ITPR2: variants seen among roughly 807,000 people sequenced by gnomAD.
The protein encoded by ITPR2 is inositol 1,4,5-trisphosphate-gated calcium channel ITPR2.
ITPR2 carries 207 observed loss-of-function variants against 317.1 expected under a neutral mutation model. The observed-to-expected ratio is 0.65, with a 90% confidence interval of 0.58 to 0.73. The LOEUF (loss-of-function observed/expected upper bound fraction) is 0.73. Among genes scored for constraint, ITPR2 ranks in the 30% least tolerant of loss-of-function variants. The pLI, the probability that ITPR2 is intolerant of heterozygous loss-of-function variation, is 0.00. For missense variants in ITPR2, 2,613 were observed against 3,284.0 expected (o/e 0.80, Z 4.99); for synonymous variants, 1,156 against 1,149.1 (o/e 1.01, Z -0.12).
At chr12:26,413,277 A>C (rs1271923544) in intron 51 of ITPR2, among the ~76,000 whole-genome samples, 1 of 152,146 alleles carries the variant, frequency 6.6e-6, no homozygotes, top group African/African-American at 2.4e-5. Context: ...CTATTCTCAC[A>C]GGGCCCTGTG....
intron 15 of ITPR2, among the ~76,000 whole-genome samples, chr12:26,660,270 A>C (rs1947467689): frequency 6.6e-6 from 1 of 152,204 alleles, no homozygotes; most frequent in African/African-American, 2.4e-5. Context: ...GATTGTGCTA[A>C]AAGTAAGAGA....
At position 26,588,098 on chromosome 12, in the gene ITPR2, T is replaced by C. The variant is rs1354980763; in HGVS notation, c.4380+7367A>G. Among the ~76,000 whole-genome samples the C allele has an allele frequency of 2.0e-5, 3 of 152,140 alleles. No individual in the cohort carries two copies. The South Asian group carries it at 6.2e-4, about 32-fold the overall frequency. On this transcript the variant is annotated intron_variant, in intron 32 of 56. Transcript: ENST00000381340. The stretch of plus-strand genomic sequence containing the variant: ...GTCTTGAAAAGGGGTTATTTTAGAG[T>C]GAGGCATGGGAATGAATAAAGAGTT...
At chr12:26,536,580 A>G (rs1369003644) in intron 37 of ITPR2, among the ~76,000 whole-genome samples, 3 of 150,704 alleles carry the variant, frequency 2.0e-5, no homozygotes, top group African/African-American at 7.3e-5. Flanking sequence ...GAGCATTGGG[A>G]TGCCTGAATT....
chr12:26,644,313 G>T (rs529056333), intron 21 of ITPR2, among the ~76,000 whole-genome samples: 1 of 152,266 alleles, frequency 6.6e-6, no homozygotes, highest in South Asian at 2.1e-4. Flanking sequence ...GAGTGGGGAG[G>T]AGCTGCTGCC....
intron 2 of ITPR2, among the ~76,000 whole-genome samples, chr12:26,777,735 T>G (rs545225448): frequency 1.5e-4 from 23 of 152,316 alleles, no homozygotes; most frequent in African/African-American, 4.8e-4. Context: ...TTTTCAGACT[T>G]GAGCCAGTTT....
In ITPR2 at chr12:26,547,700, T is replaced by C. The variant is rs145660625; in HGVS notation, c.5073+2547A>G. ...GTAAAGAAAATGTGATGAATATATG[T>C]GCAATGGAATTTTATTCAGCCATAA... is the stretch of plus-strand genomic sequence containing the variant. On this transcript the variant is annotated intron_variant, in intron 37 of 56. Transcript: ENST00000381340. Among the ~76,000 whole-genome samples, 6 of 152,344 alleles carry C rather than the reference T, an allele frequency of 3.9e-5. No homozygotes were observed. The East Asian group carries it at 5.8e-4, about 15-fold the overall frequency.
chr12:26,781,420 A>G (rs1458446949), intron 2 of ITPR2, among the ~76,000 whole-genome samples: 1 of 152,172 alleles, frequency 6.6e-6, no homozygotes, highest in Non-Finnish European at 1.5e-5. Context: ...TTCCTTTATT[A>G]TGTGACATAA....
intron 35 of ITPR2, among the ~76,000 whole-genome samples, chr12:26,560,131 A>G (rs1181702217): frequency 1.3e-5 from 2 of 152,192 alleles, no homozygotes; most frequent in Non-Finnish European, 2.9e-5. Flanking sequence ...TACTAAAAGA[A>G]GTTTAAGGCA....
At chr12:26,353,642 A>T (rs916984125) in intron 55 of ITPR2, among the ~76,000 whole-genome samples, 7 of 152,226 alleles carry the variant, frequency 4.6e-5, no homozygotes, top group Non-Finnish European at 1.0e-4. Flanking sequence ...TTGGCTCCAT[A>T]ATTGTTTCAG....
intron 26 of ITPR2, among the ~76,000 whole-genome samples, chr12:26,615,710 T>C (rs190817992): frequency 6.6e-5 from 10 of 152,260 alleles, no homozygotes; most frequent in African/African-American, 2.4e-4. Flanking sequence ...AGTAAAAATA[T>C]AATAATTTCA....
intron 5 of ITPR2, among the ~76,000 whole-genome samples, chr12:26,722,178 C>T (rs550445520): frequency 6.6e-6 from 1 of 152,194 alleles, no homozygotes; most frequent in Non-Finnish European, 1.5e-5. Flanking sequence ...CATACAAATT[C>T]TAGCTGGAAG....
Position 26,659,219 on chromosome 12 carries a change from T to C in ITPR2, c.1780A>G (p.Thr594Ala). The change falls in exon 16 of 57, where the codon ACT becomes GCT. Residue 594 changes from threonine (T) to alanine (A), a missense_variant. By Grantham distance (58) the Thr-to-Ala change is moderately conservative (BLOSUM62 0). Coordinates refer to ENST00000381340, the MANE Select transcript of ITPR2 (RefSeq NM_002223.4). ...TTGTTGTGCAACAAAGCTGTGATAG[T>C]ATCTTCTGCCAAAATATCATAGCCA... Reference protein sequence around the residue: ...QIGYDILAEDTITALLHNNRK... With the variant: ...QIGYDILAEDAITALLHNNRK... The C allele has an allele frequency of 6.2e-7, 1 of 1,613,534 alleles. No individual in the cohort carries two copies.
intron 55 of ITPR2, among the ~76,000 whole-genome samples, chr12:26,355,273 AG>A (rs1472505353): frequency 6.6e-6 from 1 of 152,250 alleles, no homozygotes; most frequent in Non-Finnish European, 1.5e-5. Flanking sequence ...TTGGCTAAAT[AG>A]GTACACATTG....
At chr12:26,615,656 A>G (rs1946358410) in intron 26 of ITPR2, among the ~76,000 whole-genome samples, 1 of 152,214 alleles carries the variant, frequency 6.6e-6, no homozygotes, top group African/African-American at 2.4e-5. Context: ...AATAATCAGA[A>G]GTGAGGGGAA....
chr12:26,547,962 G>C (rs1001108691), intron 37 of ITPR2, among the ~76,000 whole-genome samples: 10 of 152,192 alleles, frequency 6.6e-5, no homozygotes, highest in African/African-American at 2.2e-4. Flanking sequence ...GGAGTAAGAA[G>C]ATTAAACAAA....
chr12:26,336,543 T>A lies in ITPR2; in HGVS notation c.*2854A>T, dbSNP rs980004881. 1 of 152,240 alleles carries A rather than the reference T, an allele frequency of 6.6e-6. No individual in the cohort carries two copies. Among genetic ancestry groups the A allele is most frequent in the African/African-American group, 2.4e-5 (1 of 41,462 alleles). 9.4% of individuals were successfully genotyped at this position (152,240 alleles called of 1,614,324 possible). On this transcript the variant is annotated 3_prime_UTR_variant, in exon 57 of 57. Coordinates refer to ENST00000381340, the MANE Select transcript of ITPR2 (RefSeq NM_002223.4). ...TGCATACATACAATTTATTTATTTA[T>A]ATTATAGCCCTGTATGATACAAGCA... is the stretch of plus-strand genomic sequence containing the variant.
At chr12:26,467,949 T>C (rs10842737) in intron 45 of ITPR2, among the ~76,000 whole-genome samples, 1 of 152,142 alleles carries the variant, frequency 6.6e-6, no homozygotes, top group African/African-American at 2.4e-5. Context: ...GAAAGTTTCT[T>C]TTGTAAAAAT....
At chr12:26,460,089 G>C (rs1941979856) in intron 45 of ITPR2, among the ~76,000 whole-genome samples, 1 of 152,198 alleles carries the variant, frequency 6.6e-6, no homozygotes, top group Non-Finnish European at 1.5e-5. Flanking sequence ...AGTGGTTCTT[G>C]GACTTAGGAA....
intron 45 of ITPR2, among the ~76,000 whole-genome samples, chr12:26,448,277 G>A (rs929306534): frequency 2.6e-5 from 4 of 151,696 alleles, no homozygotes; most frequent in African/African-American, 7.3e-5. Flanking sequence ...CTATACAAAC[G>A]TGTTCCAGAA....
Sources: gnomAD v4.1 joint callset for allele counts (sites outside exome capture counted in the v4.1 genomes callset) on GRCh38, gnomAD v4.1.1 for gene constraint, MANE v1.5 for transcripts, NCBI Gene and HGNC (gene_info 2026-07-23, HGNC 2026-07-21) for gene names.